The following SLC6A2 variants were observed in gnomAD, a reference collection of about 807,000 sequenced individuals.
The protein encoded by SLC6A2 is solute carrier family 6 member 2, also known as sodium-dependent noradrenaline transporter.
SLC6A2 carries 26 observed loss-of-function variants against 71.7 expected under a neutral mutation model. The ratio of observed to expected loss-of-function variants is 0.36; its 90% CI spans 0.27 to 0.50. The LOEUF is 0.50. Ranked by LOEUF, SLC6A2 falls within the 20% of genes least tolerant of loss-of-function variation. The probability of loss-of-function intolerance (pLI) is 0.96; values close to 1 mark genes in which losing one functional copy is unlikely to be tolerated. For missense variants in SLC6A2, 581 were observed against 803.9 expected, an observed-to-expected ratio of 0.72 and a Z score of 3.35; for synonymous variants, 363 against 337.9, an observed-to-expected ratio of 1.07 and a Z score of -0.82.
At position 55,704,261 on chromosome 16, in the gene SLC6A2, A is replaced by ATC. The variant is rs1157743295; in HGVS notation, c.*1918_*1919dup. 1 of 152,120 alleles carries ATC rather than the reference A, an allele frequency of 6.6e-6. No individual in the cohort carries two copies. The allele number at this position is 152,120 out of a possible 1,614,324, so 9.4% of individuals were successfully genotyped here. A position where few individuals can be genotyped will look rare whatever the true frequency, so the allele number is the denominator to read the frequency against. ...TGAGGACTGCAGGGCTATAGCTTCT[A>ATC]TCTCCCCATTTCCCAGGTGAGAGAA... On this transcript the variant is annotated 3_prime_UTR_variant, in exon 15 of 15. Transcript: ENST00000568943.
At position 55,656,674 on chromosome 16, in the gene SLC6A2, T is replaced by C; in HGVS notation, c.-21T>C. 1.2e-6 allele frequency: 2 copies of C among 1,611,258 alleles called. No homozygotes were observed. The highest frequency in any genetic ancestry group is 1.7e-6 in the Non-Finnish European group (2 of 1,179,848). ...CGGCGTGCCCCCAGGACCGGTAAAG[T>C]TCCTCTCGCCAGCCGCATCCATGCT... On this transcript the variant is annotated 5_prime_UTR_variant, in exon 2 of 15. Transcript: ENST00000568943. This position sits in a 1 kb window ranked among gnomAD's most constrained non-coding sequence, Gnocchi z 4.5.
chr16:55,696,164 A>T, intron 8 of SLC6A2, 61 bp from the exon 9 acceptor site: 1 of 1,012,734 alleles, frequency 9.9e-7, no homozygotes, highest in Non-Finnish European at 1.6e-6. Flanking sequence ...ATACTCCCCT[A>T]TCATGTGCAG....
chr16:55,698,647 A>G (rs1965875376), intron 11 of SLC6A2, 79 bp downstream of exon 11: 1 of 985,746 alleles, frequency 1.0e-6, no homozygotes, highest in Non-Finnish European at 1.6e-6. Context: ...GAGGCCTTCC[A>G]TTTCCAGGAC....
intron 5 of SLC6A2, among the ~76,000 whole-genome samples, chr16:55,691,394 C>T (rs1965624803): frequency 6.6e-6 from 1 of 152,078 alleles, no homozygotes; most frequent in Non-Finnish European, 1.5e-5. Context: ...GGTGGGTGTA[C>T]TTAGTTCTGT....
chr16:55,695,815 A>G lies in SLC6A2; in HGVS notation c.1148-410A>G, dbSNP rs187474139. Among the ~76,000 whole-genome samples, 14 of 152,302 alleles carry G rather than the reference A, an allele frequency of 9.2e-5. No individual in the cohort carries two copies. In the East Asian group the frequency reaches 2.7e-3, roughly 29 times the overall value. Reference sequence around the variant, plus strand: ...AGTGAGCAATTGTGCAATAGTATTCACACCCCAATCAATCCAGCTCTGGAG... The same window carrying G: ...AGTGAGCAATTGTGCAATAGTATTCGCACCCCAATCAATCCAGCTCTGGAG... On this transcript the variant is annotated intron_variant, in intron 8 of 14. Transcript: ENST00000568943.
At chr16:55,684,327 CA>C (rs1342534868) in intron 4 of SLC6A2, among the ~76,000 whole-genome samples, 1 of 148,410 alleles carries the variant, frequency 6.7e-6, no homozygotes, top group African/African-American at 2.5e-5. Context: ...ACAACAACAA[CA>C]AAACTCCACT....
intron 5 of SLC6A2, among the ~76,000 whole-genome samples, chr16:55,691,231 GA>G (rs1299675374): frequency 0.28 from 615 of 2,212 alleles, 23 homozygotes; most frequent in South Asian, 0.33. Flanking sequence ...GGGAGAGGGG[GA>G]GAGAGAGAGA....
intron 5 of SLC6A2, among the ~76,000 whole-genome samples, chr16:55,686,086 C>A (rs1416434208): frequency 6.6e-6 from 1 of 152,120 alleles, no homozygotes; most frequent in Non-Finnish European, 1.5e-5. Context: ...TGCAACAAAC[C>A]ACCCCAAAAT....
Position 55,671,967 on chromosome 16 carries a change from C to T in SLC6A2, c.436C>T (p.Leu146=). 2 of 1,614,168 alleles carry T rather than the reference C, an allele frequency of 1.2e-6. No individual in the cohort carries two copies. Among genetic ancestry groups the T allele is most frequent in the Non-Finnish European group, 8.5e-7 (1 of 1,180,032 alleles). Residue 146 remains leucine (L), a synonymous_variant, in exon 4 of 15, where the codon CTG becomes TTG. Transcript: ENST00000568943. ...GVGYAVILIA[L]YVGFYYNVII... Reference sequence around the variant, plus strand: ...TGGCTATGCTGTCATCCTGATCGCCCTGTACGTTGGCTTCTACTACAACGT... The same window carrying T: ...TGGCTATGCTGTCATCCTGATCGCCTTGTACGTTGGCTTCTACTACAACGT...
chr16:55,700,059 C>G, intron 12 of SLC6A2, 80 bp from the exon 13 acceptor site: 4 of 1,230,402 alleles, frequency 3.3e-6, no homozygotes, highest in Non-Finnish European at 4.7e-6. Context: ...TCCCACCTTT[C>G]TTCCACCTCC....
chr16:55,656,411 G>A lies in SLC6A2; in HGVS notation c.-51-233G>A. 5 of 534,602 alleles carry A rather than the reference G, an allele frequency of 9.4e-6. No homozygotes were observed. The South Asian group carries it at 1.0e-4, about 11-fold the overall frequency. 33.1% of individuals were successfully genotyped at this position (534,602 alleles called of 1,614,324 possible). On this transcript the variant is annotated intron_variant, in intron 1 of 14. Coordinates refer to ENST00000568943, the MANE Select transcript of SLC6A2 (RefSeq NM_001172501.3). This position sits in a 1 kb window ranked among gnomAD's most constrained non-coding sequence, Gnocchi z 4.5. ...GAGTGGGTGAACGAGGAAAAGTGCTGCAGGGTCTTCAGCCGCCCCCAGAGG... is the reference window on the plus strand; with the variant it reads ...GAGTGGGTGAACGAGGAAAAGTGCTACAGGGTCTTCAGCCGCCCCCAGAGG...
chr16:55,675,545 G>A (rs550108988), intron 4 of SLC6A2, among the ~76,000 whole-genome samples: 3 of 152,280 alleles, frequency 2.0e-5, no homozygotes, highest in Admixed American at 1.3e-4. Context: ...GGGCCGTGGT[G>A]TGCTGATTCC....
intron 2 of SLC6A2, among the ~76,000 whole-genome samples, chr16:55,669,159 G>A (rs1466694474): frequency 6.6e-6 from 1 of 152,146 alleles, no homozygotes; most frequent in African/African-American, 2.4e-5. Flanking sequence ...CCTGTAAAAG[G>A]AAGGGTTTGG....
rs564891230 is a variant in SLC6A2 at position 55,674,908 on chromosome 16, G to T, written c.644+2733G>T. Among the ~76,000 whole-genome samples the T allele has an allele frequency of 1.1e-4, 16 of 152,302 alleles. No homozygotes were observed. The South Asian group carries it at 3.3e-3, about 32-fold the overall frequency. On this transcript the variant is annotated intron_variant, in intron 4 of 14. Coordinates refer to ENST00000568943, the MANE Select transcript of SLC6A2 (RefSeq NM_001172501.3). ...GGGTCGAATGGTGGTTCTATTTTTA[G>T]TTCTTAGAGAAATCTCCAAACTGCT...
In SLC6A2 at chr16:55,672,104, C is replaced by A; in HGVS notation, c.573C>A (p.Leu191=). 6.2e-7 allele frequency: 1 copy of A among 1,614,204 alleles called. No homozygotes were observed. Among genetic ancestry groups the A allele is most frequent in the Non-Finnish European group, 8.5e-7 (1 of 1,180,034 alleles). ...CCAACTGTACCGACCCCAAGCTCCT[C>A]AATGGCTCCGTGCTTGGCAACCACA... ...NSPNCTDPKL[L]NGSVLGNHTK... The change falls in exon 4 of 15, where the codon CTC becomes CTA. Residue 191 remains leucine, a synonymous_variant. Transcript: ENST00000568943.
At chr16:55,694,588 A>G (rs1965736553) in intron 7 of SLC6A2, among the ~76,000 whole-genome samples, 1 of 152,178 alleles carries the variant, frequency 6.6e-6, no homozygotes, top group Non-Finnish European at 1.5e-5. Context: ...GACTTCAGGC[A>G]TAGGCACAAA....
chr16:55,665,364 G>T (rs1964721226), intron 2 of SLC6A2, among the ~76,000 whole-genome samples: 1 of 152,090 alleles, frequency 6.6e-6, no homozygotes, highest in South Asian at 2.1e-4. Flanking sequence ...GGCACCCTTG[G>T]GGTGTTGGGG....
intron 4 of SLC6A2, among the ~76,000 whole-genome samples, chr16:55,679,684 A>G (rs1240537000): frequency 6.6e-6 from 1 of 152,204 alleles, no homozygotes; most frequent in Non-Finnish European, 1.5e-5. Context: ...TTGAGCTCGG[A>G]CGTGTGTTCT....
Position 55,681,133 on chromosome 16 carries a change from C to A in SLC6A2, c.645-4010C>A, listed in dbSNP as rs556114338. Among the ~76,000 whole-genome samples the A allele has an allele frequency of 2.0e-5, 3 of 152,310 alleles. No homozygotes were observed. In the South Asian group the frequency reaches 6.2e-4, roughly 32 times the overall value. On this transcript the variant is annotated intron_variant, in intron 4 of 14. Transcript: ENST00000568943. Reference sequence around the variant, plus strand: ...GGTACCCTTGACTCTCTTGCTGACACCTGCTGCTCCTTGAAGCCTAGGACT... The same window carrying A: ...GGTACCCTTGACTCTCTTGCTGACAACTGCTGCTCCTTGAAGCCTAGGACT...
Sources: allele counts gnomAD v4.1 joint callset (sites outside exome capture counted in the v4.1 genomes callset), GRCh38; gene constraint gnomAD v4.1.1; non-coding constraint Gnocchi (gnomAD v3.1); transcripts MANE v1.5; gene names NCBI Gene and HGNC (gene_info 2026-07-23, HGNC 2026-07-21).